Variants in AKT3 observed in about 807,000 individuals in gnomAD.
AKT3 encodes the protein RAC-gamma serine/threonine-protein kinase.
In AKT3, 15 loss-of-function variants were observed where a neutral mutation model predicts 65.3. That is an observed-to-expected ratio of 0.23 (90% CI 0.15 to 0.35). The LOEUF (loss-of-function observed/expected upper bound fraction) is 0.35, where lower values mean the gene tolerates loss of function less well. AKT3 is among the 10% of genes least tolerant of loss of function. AKT3 has a pLI of 1.00. For missense variants in AKT3, 243 were observed against 576.5 expected, an observed-to-expected ratio of 0.42 and a Z score of 5.92; for synonymous variants, 206 against 183.8, an observed-to-expected ratio of 1.12 and a Z score of -0.98.
At chr1:243,580,837 G>C (rs1675287353) in intron 8 of AKT3, among the ~76,000 whole-genome samples, 1 of 152,096 alleles carries the variant, frequency 6.6e-6, no homozygotes, top group Admixed American at 6.6e-5. Flanking sequence ...TTGCCTAGTT[G>C]AGTAGCCTGA....
intron 11 of AKT3, among the ~76,000 whole-genome samples, chr1:243,549,734 C>T (rs538451836): frequency 2.0e-5 from 3 of 152,034 alleles, no homozygotes; most frequent in South Asian, 4.1e-4. Flanking sequence ...CCCATAAACA[C>T]TTTTAACTGC....
chr1:243,675,211 T>C (rs1052955114), intron 3 of AKT3, among the ~76,000 whole-genome samples: 1 of 152,264 alleles, frequency 6.6e-6, no homozygotes, highest in African/African-American at 2.4e-5. Context: ...AAAGTCACTT[T>C]TTTTTTGAGA....
intron 2 of AKT3, among the ~76,000 whole-genome samples, chr1:243,768,847 AAG>A (rs1166988119): frequency 6.6e-6 from 1 of 151,918 alleles, no homozygotes; most frequent in Non-Finnish European, 1.5e-5. Context: ...AAAAAAAAAA[AAG>A]AGAGCGATAG....
chr1:243,839,866 C>CA (rs761747534), intron 2 of AKT3, among the ~76,000 whole-genome samples: 1,830 of 72,376 alleles, frequency 0.025, 25 homozygotes, highest in African/African-American at 0.053. Flanking sequence ...GACTCCATCT[C>CA]AAAAAAAAAA....
At chr1:243,735,830 T>C (rs1028762125) in intron 2 of AKT3, 20 of 152,202 alleles carry the variant, frequency 1.3e-4, no homozygotes, top group Non-Finnish European at 2.2e-4. Flanking sequence ...GACAATGCCA[T>C]GGAAGAATAA....
At chr1:243,660,815 C>T (rs552795926) in intron 4 of AKT3, among the ~76,000 whole-genome samples, 1,831 of 152,196 alleles carry the variant, frequency 0.012, 27 homozygotes, top group African/African-American at 0.035. Context: ...GAAAACCCCA[C>T]TGTCTCAGCC....
chr1:243,629,921 AG>A (rs1326654985), intron 6 of AKT3, among the ~76,000 whole-genome samples: 1 of 152,208 alleles, frequency 6.6e-6, no homozygotes, highest in East Asian at 1.9e-4. Context: ...TCTGCCAGAA[AG>A]GGAGAAAGAG....
chr1:243,642,591 G>A (rs1421615628), intron 5 of AKT3, among the ~76,000 whole-genome samples: 2 of 152,140 alleles, frequency 1.3e-5, no homozygotes, highest in Non-Finnish European at 2.9e-5. Context: ...TTACAGGCGT[G>A]AGCCACCACG....
At chr1:243,804,134 A>G (rs1251752328) in intron 2 of AKT3, among the ~76,000 whole-genome samples, 1 of 152,010 alleles carries the variant, frequency 6.6e-6, no homozygotes, top group Non-Finnish European at 1.5e-5. Flanking sequence ...TAACATATCC[A>G]CTGTCTTTTA....
intron 7 of AKT3, 115 bp downstream of exon 7, chr1:243,614,981 C>A: frequency 1.3e-6 from 1 of 794,770 alleles, no homozygotes; most frequent in Non-Finnish European, 2.0e-6. Context: ...TACGTTCTTT[C>A]CACAAAGAAA....
chr1:243,700,006 C>T (rs532198063), intron 2 of AKT3, among the ~76,000 whole-genome samples: 1 of 152,188 alleles, frequency 6.6e-6, no homozygotes, highest in South Asian at 2.1e-4. Flanking sequence ...TGTGAACCTG[C>T]TGACACCTTG....
At chr1:243,807,216 G>A (rs193235610) in intron 2 of AKT3, among the ~76,000 whole-genome samples, 12 of 152,336 alleles carry the variant, frequency 7.9e-5, no homozygotes, top group Non-Finnish European at 1.6e-4. Context: ...CACCAAGCGT[G>A]AGCCAAAGCA....
chr1:243,585,098 T>G (rs1044773272), intron 8 of AKT3, among the ~76,000 whole-genome samples: 2 of 152,070 alleles, frequency 1.3e-5, no homozygotes, highest in Non-Finnish European at 2.9e-5. Context: ...CATTTCTATA[T>G]ACTGATAACA....
intron 8 of AKT3, among the ~76,000 whole-genome samples, chr1:243,592,375 C>T (rs1434494401): frequency 1.3e-5 from 2 of 150,594 alleles, no homozygotes; most frequent in Non-Finnish European, 3.0e-5. Context: ...AAACAAAAAA[C>T]CCTAAGCCAA....
chr1:243,653,673 C>T (rs1041610821), intron 4 of AKT3, among the ~76,000 whole-genome samples: 5 of 152,112 alleles, frequency 3.3e-5, no homozygotes, highest in African/African-American at 9.7e-5. Flanking sequence ...GCTCCTCTAC[C>T]AAGTGCTGAG....
At chr1:243,622,331 T>C (rs1678818249) in intron 6 of AKT3, among the ~76,000 whole-genome samples, 1 of 152,250 alleles carries the variant, frequency 6.6e-6, no homozygotes, top group Non-Finnish European at 1.5e-5. Context: ...TCATGCTATT[T>C]AAAACTGCAT....
chr1:243,496,040 T>C (rs1030112599), downstream of AKT3, among the ~76,000 whole-genome samples: 1 of 152,352 alleles, frequency 6.6e-6, no homozygotes, highest in East Asian at 1.9e-4. Flanking sequence ...TAAAAGGAAG[T>C]GCCTCATATT....
At chr1:243,817,229 C>A (rs1693584296) in intron 2 of AKT3, among the ~76,000 whole-genome samples, 1 of 152,072 alleles carries the variant, frequency 6.6e-6, no homozygotes, top group South Asian at 2.1e-4. Context: ...TAGGTGACAT[C>A]TCCAAGAGAA....
chr1:243,651,098 C>T (rs915660570), intron 4 of AKT3, among the ~76,000 whole-genome samples: 1 of 152,094 alleles, frequency 6.6e-6, no homozygotes, highest in Non-Finnish European at 1.5e-5. Context: ...TTGTAGTTCT[C>T]CTTGAAGAGG....
Sources: gnomAD v4.1 joint callset for allele counts (sites outside exome capture counted in the v4.1 genomes callset) on GRCh38, gnomAD v4.1.1 for gene constraint, MANE v1.5 for transcripts, NCBI Gene and HGNC (gene_info 2026-07-23, HGNC 2026-07-21) for gene names.